Variants in CADPS observed in about 807,000 individuals in gnomAD.
The protein encoded by CADPS is calcium-dependent secretion activator 1.
Under a neutral mutation model 167.3 loss-of-function variants are expected in CADPS, and 57 were observed. The observed-to-expected ratio is 0.34, with a 90% CI of 0.28 to 0.42. The LOEUF is 0.42. CADPS is among the 20% of genes least tolerant of loss of function. The pLI, the probability that CADPS is intolerant of heterozygous loss-of-function variation, is 1.00. For missense variants in CADPS, 1,414 were observed against 1,738.1 expected (o/e 0.81, Z 3.32); for synonymous variants, 676 against 635.3 (o/e 1.06, Z -0.96).
intron 1 of CADPS, among the ~76,000 whole-genome samples, chr3:62,841,676 G>C (rs1485909304): frequency 6.6e-6 from 1 of 152,156 alleles, no homozygotes; most frequent in East Asian, 1.9e-4. Context: ...ACTTCAGCCT[G>C]GGTGACAAAG....
intron 3 of CADPS, among the ~76,000 whole-genome samples, chr3:62,720,238 G>C (rs1366666776): frequency 6.6e-6 from 1 of 151,950 alleles, no homozygotes; most frequent in African/African-American, 2.4e-5. Flanking sequence ...GTTAACATGT[G>C]TCAGACATAG....
chr3:62,837,744 T>A (rs1348879003), intron 1 of CADPS, among the ~76,000 whole-genome samples: 1 of 152,154 alleles, frequency 6.6e-6, no homozygotes, highest in East Asian at 1.9e-4. Flanking sequence ...TCAATACAGA[T>A]TTAAATCTCT....
At chr3:62,684,943 G>A (rs2077735404) in intron 3 of CADPS, among the ~76,000 whole-genome samples, 1 of 152,042 alleles carries the variant, frequency 6.6e-6, no homozygotes, top group South Asian at 2.1e-4. Context: ...GAAAGGAACT[G>A]TAAGAAAACC....
At chr3:62,494,244 G>A (rs151315525) in intron 18 of CADPS, among the ~76,000 whole-genome samples, 1 of 152,208 alleles carries the variant, frequency 6.6e-6, no homozygotes, top group African/African-American at 2.4e-5. Flanking sequence ...TGGGGTTTAG[G>A]GCTTACTCCA....
chr3:62,678,604 T>C (rs2076671008), intron 3 of CADPS, among the ~76,000 whole-genome samples: 2 of 152,094 alleles, frequency 1.3e-5, no homozygotes, highest in African/African-American at 4.8e-5. Flanking sequence ...TCTTCCCTGA[T>C]AAGTGAGGGA....
In CADPS at chr3:62,516,200, A is replaced by G. The variant is rs200291234; in HGVS notation, c.2458-18T>C. ...ATCAAAACCTTCAAGTAGGAAAAAG[A>G]GGGATTATTAAGAAGGTTCAAGCAA... On this transcript the variant is annotated intron_variant, in intron 15 of 29. Transcript: ENST00000383710. The G allele has an allele frequency of 4.3e-6, 7 of 1,612,594 alleles. No homozygotes were observed. The Admixed American group carries it at 5.0e-5, about 12-fold the overall frequency.
intron 3 of CADPS, among the ~76,000 whole-genome samples, chr3:62,700,224 G>T (rs2081140365): frequency 6.6e-6 from 1 of 152,076 alleles, no homozygotes; most frequent in Non-Finnish European, 1.5e-5. Flanking sequence ...AGTCTTTGAT[G>T]GTCTTCCCTT....
intron 28 of CADPS, among the ~76,000 whole-genome samples, 182 bp downstream of exon 28, chr3:62,437,922 A>G (rs1460113871): frequency 6.6e-6 from 1 of 152,170 alleles, no homozygotes; most frequent in Non-Finnish European, 1.5e-5. Flanking sequence ...CTGCCACACC[A>G]GAGTGGGTTC....
At chr3:62,582,325 G>T (rs1468671991) in intron 8 of CADPS, among the ~76,000 whole-genome samples, 1 of 151,874 alleles carries the variant, frequency 6.6e-6, no homozygotes, top group Non-Finnish European at 1.5e-5. Context: ...GCACACCTGT[G>T]GTCCCAGCTA....
chr3:62,783,272 T>A (rs1226216904), intron 1 of CADPS, among the ~76,000 whole-genome samples: 1 of 151,972 alleles, frequency 6.6e-6, no homozygotes, highest in Non-Finnish European at 1.5e-5. Context: ...GTGGGAATGG[T>A]GCACCTCAAC....
chr3:62,860,857 T>C (rs1373947802), intron 1 of CADPS, among the ~76,000 whole-genome samples: 2 of 152,196 alleles, frequency 1.3e-5, no homozygotes, highest in African/African-American at 4.8e-5. Flanking sequence ...CTCTTTCCAC[T>C]TGGGGAGGAG....
At chr3:62,756,538 A>T (rs1285596047) in intron 2 of CADPS, among the ~76,000 whole-genome samples, 1 of 152,226 alleles carries the variant, frequency 6.6e-6, no homozygotes, top group Non-Finnish European at 1.5e-5. Flanking sequence ...GGTGAGGAAG[A>T]CACAGATTTA....
At chr3:62,533,926 C>T (rs1189192068) in intron 12 of CADPS, among the ~76,000 whole-genome samples, 2 of 152,086 alleles carry the variant, frequency 1.3e-5, no homozygotes, top group African/African-American at 2.4e-5. Flanking sequence ...TATTTGCTTG[C>T]TATGGGACCA....
Position 62,648,227 on chromosome 3 carries a change from T to C in CADPS, c.1204-2384A>G, listed in dbSNP as rs76995261. ...GTTTTCTATGATGTGCAATTCAGTG[T>C]TCTATTTAAAAAGTATTTGGGGATC... On this transcript the variant is annotated intron_variant, in intron 5 of 29. Transcript: ENST00000383710. Among the ~76,000 whole-genome samples, 649 of 152,288 alleles carry C rather than the reference T, an allele frequency of 4.3e-3. 2 individuals carry two copies. Among genetic ancestry groups the C allele is most frequent in the Admixed American group, 6.5e-3 (99 of 15,300 alleles).
intron 6 of CADPS, among the ~76,000 whole-genome samples, chr3:62,608,220 A>G (rs963995704): frequency 6.6e-6 from 1 of 151,792 alleles, no homozygotes; most frequent in African/African-American, 2.4e-5. Context: ...AAAATAACAA[A>G]CATACTAAAA....
chr3:62,813,636 C>A (rs1170302844), intron 1 of CADPS, among the ~76,000 whole-genome samples: 1 of 152,062 alleles, frequency 6.6e-6, no homozygotes, highest in East Asian at 1.9e-4. Context: ...AACTAAAGAG[C>A]TTCTGCATAG....
intron 17 of CADPS, among the ~76,000 whole-genome samples, chr3:62,505,105 A>C (rs2066432653): frequency 6.6e-6 from 1 of 152,206 alleles, no homozygotes; most frequent in Non-Finnish European, 1.5e-5. Flanking sequence ...AAGTAGCAAC[A>C]GAAAGCTTAG....
intron 1 of CADPS, among the ~76,000 whole-genome samples, chr3:62,852,850 A>G (rs1167065895): frequency 1.3e-5 from 2 of 152,140 alleles, no homozygotes; most frequent in African/African-American, 4.8e-5. Context: ...ATCTATTTAC[A>G]TGTCTATGTA....
intron 3 of CADPS, among the ~76,000 whole-genome samples, chr3:62,750,506 T>G (rs1028071134): frequency 2.0e-5 from 3 of 152,200 alleles, no homozygotes; most frequent in Admixed American, 6.6e-5. Context: ...AAGATAACTT[T>G]CTTCATATCC....
Sources: gnomAD v4.1 joint callset for allele counts (sites outside exome capture counted in the v4.1 genomes callset) on GRCh38, gnomAD v4.1.1 for gene constraint, MANE v1.5 for transcripts, NCBI Gene and HGNC (gene_info 2026-07-23, HGNC 2026-07-21) for gene names.